SLC12A4: variants seen among roughly 807,000 people sequenced by gnomAD.
The protein encoded by SLC12A4 is electroneutral potassium-chloride cotransporter 1.
A neutral mutation model predicts 119.2 loss-of-function variants in SLC12A4; 84 were observed. The observed-to-expected ratio is 0.70, with a 90% CI of 0.59 to 0.85. SLC12A4 has a LOEUF of 0.85. Ranked by LOEUF, SLC12A4 falls within the 40% of genes least tolerant of loss-of-function variation. SLC12A4 has a pLI of 0.00. For missense variants in SLC12A4, 1,298 were observed against 1,476.3 expected (o/e 0.88, Z 1.98); for synonymous variants, 599 against 604.6 (o/e 0.99, Z 0.14).
At position 67,945,232 on chromosome 16, in the gene SLC12A4, G is replaced by A. The variant is rs765334906; in HGVS notation, c.3033-12C>T. 1 of 1,553,038 alleles carries A rather than the reference G, an allele frequency of 6.4e-7. No homozygotes were observed. The highest frequency in any genetic ancestry group is 1.2e-5 in the South Asian group (1 of 81,258). ...CATTGGATTGGTCCCTACACGTAGT[G>A]TAGCCAGTCACAGGTCGCCATGAGC... is the stretch of plus-strand genomic sequence containing the variant. On this transcript the variant is annotated splice_polypyrimidine_tract_variant and intron_variant, in intron 22 of 23. Transcript: ENST00000316341.
rs574540667 is a variant in SLC12A4 at position 67,950,582 on chromosome 16, C to G, written c.1454+72G>C. The G allele has an allele frequency of 2.3e-5, 37 of 1,606,910 alleles. No homozygotes were observed. The highest frequency in any genetic ancestry group is 3.0e-5 in the Non-Finnish European group (35 of 1,175,876). ...CAGCCAGCAGGCTTAGGACCACCCA[C>G]GGGGTTGGGAGCTGGTGTGAGGGCA... is the stretch of plus-strand genomic sequence containing the variant. On this transcript the variant is annotated intron_variant, in intron 11 of 23. Coordinates refer to ENST00000316341, the MANE Select transcript of SLC12A4 (RefSeq NM_005072.5). This position sits in a 1 kb window ranked among gnomAD's most constrained non-coding sequence, Gnocchi z 4.3.
At chr16:67,955,804 G>C (rs759501866) in intron 5 of SLC12A4, among the ~76,000 whole-genome samples, 9 of 151,948 alleles carry the variant, frequency 5.9e-5, no homozygotes, top group Admixed American at 2.6e-4. Flanking sequence ...GTTTGAACCT[G>C]GGAGGCAGAG....
At position 67,949,579 on chromosome 16, in the gene SLC12A4, G is replaced by A; in HGVS notation, c.1748+221C>T. 2.2e-6 allele frequency: 1 copy of A among 456,666 alleles called. No homozygotes were observed. Among genetic ancestry groups the A allele is most frequent in the Non-Finnish European group, 3.9e-6 (1 of 259,500 alleles). The allele number at this position is 456,666 out of a possible 1,614,324, so 28.3% of individuals were successfully genotyped here. On this transcript the variant is annotated intron_variant, in intron 13 of 23. Coordinates refer to ENST00000316341, the MANE Select transcript of SLC12A4 (RefSeq NM_005072.5). The surrounding 1 kb of genome is among the most constrained non-coding windows in gnomAD (Gnocchi z 4.6). ...GGTCTGCCGGCCACCTGCTCTGGGG[G>A]CCTCAGGGAGGTGTGGACATATTGG...
At position 67,968,623 on chromosome 16, in the gene SLC12A4, GC is replaced by G; in HGVS notation, c.-71del. 1.5e-6 allele frequency: 2 copies of G among 1,320,040 alleles called. No individual in the cohort carries two copies. The highest frequency in any genetic ancestry group is 1.9e-6 in the Non-Finnish European group (2 of 1,042,558). 81.8% of individuals were successfully genotyped at this position (1,320,040 alleles called of 1,614,324 possible). A position where few individuals can be genotyped will look rare whatever the true frequency, so the allele number is the denominator to read the frequency against. On this transcript the variant is annotated 5_prime_UTR_variant, in exon 1 of 24. Transcript: ENST00000316341. The stretch of plus-strand genomic sequence containing the variant: ...CGCTGTCCCCGCCGCTGTCCCCGCC[GC>G]CCCGGGCCGACACGCCCCGCCCGCT...
Position 67,957,816 on chromosome 16 carries a change from G to A in SLC12A4, c.490-20C>T, listed in dbSNP as rs979407154. 4.0e-5 allele frequency: 64 copies of A among 1,614,054 alleles called. No homozygotes were observed. Among genetic ancestry groups the A allele is most frequent in the Non-Finnish European group, 5.0e-5 (59 of 1,180,036 alleles). On this transcript the variant is annotated intron_variant, in intron 4 of 23. Transcript: ENST00000316341. Reference sequence around the variant, plus strand: ...CAGGGTCTGTGGGAAGGAGGGCCTGGGTGAGCGGCTCAGCTGGGTGGGCTC... The same window carrying A: ...CAGGGTCTGTGGGAAGGAGGGCCTGAGTGAGCGGCTCAGCTGGGTGGGCTC...
In SLC12A4 at chr16:67,963,458, C is replaced by A; in HGVS notation, c.210+7G>T. ...AAACCTGTGGCCCAAAATGGCTCCT[C>A]AGCTACCTCAAACAGTGCCAGGTTC... On this transcript the variant is annotated splice_region_variant and intron_variant, in intron 2 of 23. Coordinates refer to ENST00000316341, the MANE Select transcript of SLC12A4 (RefSeq NM_005072.5). 6.4e-7 allele frequency: 1 copy of A among 1,562,920 alleles called. No individual in the cohort carries two copies. Among genetic ancestry groups the A allele is most frequent in the South Asian group, 1.2e-5 (1 of 82,810 alleles).
intron 5 of SLC12A4, among the ~76,000 whole-genome samples, chr16:67,956,505 G>A (rs2030268539): frequency 6.6e-6 from 1 of 152,028 alleles, no homozygotes; most frequent in Non-Finnish European, 1.5e-5. Context: ...GGCCAACATA[G>A]TGAAACCTCG....
At position 67,954,910 on chromosome 16, in the gene SLC12A4, G is replaced by C. The variant is rs2030165237; in HGVS notation, c.545-137C>G. 3 of 1,007,512 alleles carry C rather than the reference G, an allele frequency of 3.0e-6. 1 individual carries two copies. In the South Asian group the frequency reaches 4.6e-5, roughly 16 times the overall value. 62.4% of individuals were successfully genotyped at this position (1,007,512 alleles called of 1,614,324 possible). A position where few individuals can be genotyped will look rare whatever the true frequency, so the allele number is the denominator to read the frequency against. Reference sequence around the variant, plus strand: ...TTGTGGATGAGTAGAGGGGCTGGGAGACCTACCCAGGGCTGCACGGTGGGT... The same window carrying C: ...TTGTGGATGAGTAGAGGGGCTGGGACACCTACCCAGGGCTGCACGGTGGGT... On this transcript the variant is annotated intron_variant, in intron 5 of 23. Coordinates refer to ENST00000316341, the MANE Select transcript of SLC12A4 (RefSeq NM_005072.5).
Position 67,949,573 on chromosome 16 carries a change from C to G in SLC12A4, c.1748+227G>C, listed in dbSNP as rs2058389984. 6.7e-6 allele frequency: 3 copies of G among 450,226 alleles called. No homozygotes were observed. In the East Asian group the frequency reaches 1.3e-4, roughly 20 times the overall value. 27.9% of individuals were successfully genotyped at this position (450,226 alleles called of 1,614,324 possible). A position where few individuals can be genotyped will look rare whatever the true frequency, so the allele number is the denominator to read the frequency against. On this transcript the variant is annotated intron_variant, in intron 13 of 23. Transcript: ENST00000316341. This position sits in a 1 kb window ranked among gnomAD's most constrained non-coding sequence, Gnocchi z 4.6. ...TGGGAAGGTCTGCCGGCCACCTGCT[C>G]TGGGGGCCTCAGGGAGGTGTGGACA... is the stretch of plus-strand genomic sequence containing the variant.
chr16:67,946,483 C>G lies in SLC12A4; in HGVS notation c.2392G>C (p.Gly798Arg), dbSNP rs138187345. The G allele has an allele frequency of 3.7e-6, 6 of 1,608,104 alleles. No homozygotes were observed. The African/African-American group carries it at 8.0e-5, about 21-fold the overall frequency. The part of the protein sequence containing the change: ...HNSVVLGWPY[G>R]WRQSEDPRAW... The stretch of plus-strand genomic sequence containing the variant: ...CGGGGGTCCTCGCTCTGTCGCCAGC[C>G]GTAGGGCCAGCCCAGCACCACGGAG... The change falls in exon 18 of 24, where the codon GGC becomes CGC. Residue 798 changes from glycine to arginine, a missense_variant. Transcript: ENST00000316341.
intron 6 of SLC12A4, among the ~76,000 whole-genome samples, chr16:67,952,682 T>C (rs1199549146): frequency 6.6e-6 from 1 of 150,670 alleles, no homozygotes; most frequent in East Asian, 2.0e-4. Context: ...TCCCAGCAAC[T>C]GGAGGCTGAG....
chr16:67,968,081 T>G (rs543117388), intron 1 of SLC12A4, among the ~76,000 whole-genome samples: 1 of 152,080 alleles, frequency 6.6e-6, no homozygotes, highest in East Asian at 1.9e-4. Flanking sequence ...GGATGTGGGA[T>G]TCACCGAAGT....
chr16:67,961,887 C>G lies in SLC12A4; in HGVS notation c.211-181G>C, dbSNP rs185932534. ...CAGGTGTGCACACCACACCCCAGCA[C>G]GTGGCACTCAAAGGCCCAGCCCCGC... On this transcript the variant is annotated intron_variant, in intron 2 of 23. Transcript: ENST00000316341. Among the ~76,000 whole-genome samples, 173 of 152,358 alleles carry G rather than the reference C, an allele frequency of 1.1e-3. 2 individuals are homozygous for G. Among genetic ancestry groups the G allele is most frequent in the Admixed American group, 9.8e-3 (150 of 15,306 alleles).
At chr16:67,948,228 C>G in intron 13 of SLC12A4, 69 bp from the exon 14 acceptor site, 1 of 1,505,380 alleles carries the variant, frequency 6.6e-7, no homozygotes, top group Non-Finnish European at 9.2e-7. Context: ...TCAGGCTGGG[C>G]CTGGCCCAGA....
chr16:67,952,099 C>A (rs1358961211), intron 7 of SLC12A4, 62 bp from the exon 8 acceptor site: 2 of 1,607,962 alleles, frequency 1.2e-6, no homozygotes, highest in Non-Finnish European at 8.5e-7. Flanking sequence ...GCCCACCCTG[C>A]AGTCTCTGGG....
At chr16:67,959,513 A>C (rs1598227016) in intron 3 of SLC12A4, among the ~76,000 whole-genome samples, 1 of 152,168 alleles carries the variant, frequency 6.6e-6, no homozygotes, top group East Asian at 1.9e-4. Context: ...CTGGGGCAAG[A>C]CCTGTGAGCG....
In SLC12A4 at chr16:67,946,645, A is replaced by G. The variant is rs1469095803; in HGVS notation, c.2242-12T>C. On this transcript the variant is annotated splice_polypyrimidine_tract_variant and intron_variant, in intron 17 of 23. Coordinates refer to ENST00000316341, the MANE Select transcript of SLC12A4 (RefSeq NM_005072.5). Reference sequence around the variant, plus strand: ...ATGTTCTTGATGGTCTGTGGGGAACACACCCAGGGCCAATGGGAGGCCATC... The same window carrying G: ...ATGTTCTTGATGGTCTGTGGGGAACGCACCCAGGGCCAATGGGAGGCCATC... The G allele has an allele frequency of 6.2e-7, 1 of 1,603,902 alleles. No individual in the cohort carries two copies. The highest frequency in any genetic ancestry group is 1.7e-5 in the Admixed American group (1 of 59,716).
In SLC12A4 at chr16:67,943,935, G is replaced by C. The variant is rs747027216; in HGVS notation, c.*905C>G. The C allele has an allele frequency of 4.5e-6, 7 of 1,542,738 alleles. No individual in the cohort carries two copies. In the South Asian group the frequency reaches 7.2e-5, roughly 16 times the overall value. On this transcript the variant is annotated 3_prime_UTR_variant, in exon 24 of 24. Coordinates refer to ENST00000316341, the MANE Select transcript of SLC12A4 (RefSeq NM_005072.5). The surrounding 1 kb of genome is among the most constrained non-coding windows in gnomAD (Gnocchi z 4.6). ...GTCTGGCGTGGTGCATCAGGGGCCT[G>C]GTGGGGGCTTACCGAGGATGACGGG...
intron 3 of SLC12A4, 135 bp downstream of exon 3, chr16:67,961,440 G>A (rs1315855929): frequency 1.5e-6 from 2 of 1,319,648 alleles, no homozygotes; most frequent in African/African-American, 1.5e-5. Flanking sequence ...GGCATTCAGT[G>A]CCCATCCTCC....
Sources: allele counts gnomAD v4.1 joint callset (sites outside exome capture counted in the v4.1 genomes callset), GRCh38; gene constraint gnomAD v4.1.1; non-coding constraint Gnocchi (gnomAD v3.1); transcripts MANE v1.5; gene names NCBI Gene and HGNC (gene_info 2026-07-23, HGNC 2026-07-21).